The following KANK1 variants were observed in gnomAD, a reference collection of about 807,000 sequenced individuals.
KANK1 encodes KN motif and ankyrin repeat domains 1, also known as KN motif and ankyrin repeat domain-containing protein 1.
Under a neutral mutation model 106.2 loss-of-function variants are expected in KANK1, and 109 were observed. The observed-to-expected ratio is 1.03, with a 90% CI of 0.88 to 1.20. KANK1 has a LOEUF of 1.20. Ranked by LOEUF, KANK1 falls within the 50% of genes most tolerant of loss-of-function variation. The probability of loss-of-function intolerance (pLI) is 0.00; values close to 1 mark genes in which losing one functional copy is unlikely to be tolerated. For missense variants in KANK1, 2,399 were observed against 1,710.7 expected (o/e 1.40, Z -7.10); for synonymous variants, 873 against 652.2 (o/e 1.34, Z -5.16).
rs527605501 is a variant in KANK1 at position 571,292 on chromosome 9, A to G, written c.-84+66538A>G. On this transcript the variant is annotated intron_variant, in intron 1 of 11. Transcript: ENST00000382297. ...GTATAAACCAGAGGAAGCCTTTGCC[A>G]GAGAGATTGTTGACAATTGCTAGAG... Among the ~76,000 whole-genome samples the G allele has an allele frequency of 3.3e-5, 5 of 151,186 alleles. No individual in the cohort carries two copies. In the East Asian group the frequency reaches 9.6e-4, roughly 29 times the overall value.
intron 1 of KANK1, among the ~76,000 whole-genome samples, chr9:664,285 G>C (rs1233318863): frequency 3.3e-5 from 5 of 152,046 alleles, no homozygotes; most frequent in Non-Finnish European, 7.4e-5. Context: ...ATGAGATTCA[G>C]TTTTGTAGCT....
At chr9:627,140 C>T (rs559986527) in intron 1 of KANK1, among the ~76,000 whole-genome samples, 63 of 152,274 alleles carry the variant, frequency 4.1e-4, no homozygotes, top group Middle Eastern at 3.4e-3. Flanking sequence ...AATCTAGAAT[C>T]ATGAAATGTA....
At chr9:692,564 C>A (rs1820236720) in intron 2 of KANK1, among the ~76,000 whole-genome samples, 1 of 150,106 alleles carries the variant, frequency 6.7e-6, no homozygotes, top group Non-Finnish European at 1.5e-5. Context: ...ATAGAATTCA[C>A]CCATTTTAAG....
chr9:642,153 A>G (rs760266369), intron 1 of KANK1, among the ~76,000 whole-genome samples: 2 of 152,166 alleles, frequency 1.3e-5, no homozygotes, highest in African/African-American at 4.8e-5. Context: ...AAACCAGCTT[A>G]CTTCTGACAC....
chr9:654,810 TGTGTGAGAGAGAGAGAGA>T lies in KANK1; in HGVS notation c.-83-22078_-83-22061del, dbSNP rs796893214. On this transcript the variant is annotated intron_variant, in intron 1 of 11. Coordinates refer to ENST00000382297, the MANE Select transcript of KANK1 (RefSeq NM_015158.5). The stretch of plus-strand genomic sequence containing the variant: ...GTCACAATATGCATTTGTGTGTGTG[TGTGTGAGAGAGAGAGAGA>T]GAGAGAGAGAGAGAGAGAGATAAAG... Among the ~76,000 whole-genome samples the T allele has an allele frequency of 8.4e-4, 77 of 91,810 alleles. 1 individual carries two copies. Among genetic ancestry groups the T allele is most frequent in the African/African-American group, 3.6e-3 (76 of 20,880 alleles). 60.2% of individuals were successfully genotyped at this position (91,810 alleles called of 152,430 possible). A position where few individuals can be genotyped will look rare whatever the true frequency, so the allele number is the denominator to read the frequency against.
intron 2 of KANK1, among the ~76,000 whole-genome samples, chr9:703,991 G>C (rs573688195): frequency 2.8e-4 from 42 of 152,340 alleles, no homozygotes; most frequent in African/African-American, 9.4e-4. Flanking sequence ...TGGGATTACA[G>C]GCGTGAGCCA....
chr9:732,621 T>TG lies in KANK1; in HGVS notation c.3245+6dup. On this transcript the variant is annotated splice_donor_region_variant and intron_variant, in intron 6 of 11. Coordinates refer to ENST00000382297, the MANE Select transcript of KANK1 (RefSeq NM_015158.5). ...AGAAGGTGGAAATCAGAGAGAGGTG[T>TG]GGTACATTCCCCTTCCCTCCCTTGC... 6.2e-7 allele frequency: 1 copy of TG among 1,612,950 alleles called. No homozygotes were observed. The highest frequency in any genetic ancestry group is 2.2e-5 in the East Asian group (1 of 44,868).
intron 1 of KANK1, among the ~76,000 whole-genome samples, chr9:563,609 A>G (rs946623865): frequency 6.6e-6 from 1 of 152,200 alleles, no homozygotes; most frequent in African/African-American, 2.4e-5. Flanking sequence ...TATATTTTCA[A>G]ATAGGCAGTA....
intron 1 of KANK1, among the ~76,000 whole-genome samples, chr9:609,928 A>G (rs1428743459): frequency 1.3e-5 from 2 of 152,110 alleles, no homozygotes; most frequent in East Asian, 1.9e-4. Context: ...TTTCTTATAC[A>G]TATATTTATG....
At chr9:655,055 A>G (rs1841817463) in intron 1 of KANK1, among the ~76,000 whole-genome samples, 1 of 152,092 alleles carries the variant, frequency 6.6e-6, no homozygotes, top group African/African-American at 2.4e-5. Flanking sequence ...TTGGTCTTTG[A>G]TGAGACCTAG....
At chr9:560,761 A>C (rs1441700814) in intron 1 of KANK1, among the ~76,000 whole-genome samples, 1 of 146,936 alleles carries the variant, frequency 6.8e-6, no homozygotes, top group Admixed American at 7.0e-5. Flanking sequence ...AACCAACTGG[A>C]TGTCAGACAT....
At chr9:732,223 C>T (rs1832497355) in intron 5 of KANK1, 155 bp from the exon 6 acceptor site, 1 of 796,584 alleles carries the variant, frequency 1.3e-6, no homozygotes, top group Non-Finnish European at 2.0e-6. Flanking sequence ...AACCACCAGG[C>T]ATTTAAATAG....
At chr9:555,328 C>T (rs1432644022) in intron 1 of KANK1, among the ~76,000 whole-genome samples, 1 of 152,124 alleles carries the variant, frequency 6.6e-6, no homozygotes, top group African/African-American at 2.4e-5. Flanking sequence ...CACCTGCCTC[C>T]CCTACCTTCC....
Position 734,764 on chromosome 9 carries a change from A to G in KANK1, c.3262A>G (p.Lys1088Glu), listed in dbSNP as rs753231094. 1.2e-6 allele frequency: 2 copies of G among 1,611,442 alleles called. No homozygotes were observed. The highest frequency in any genetic ancestry group is 2.2e-5 in the East Asian group (1 of 44,882). Residue 1088 changes from lysine (K) to glutamate (E), a missense_variant, in exon 7 of 12, where the codon AAG becomes GAG. Transcript: ENST00000382297. ...EIRERYELSE[K>E]MLSACNLLKN... Reference sequence around the variant, plus strand: ...TCCTTTCAGGTATGAATTAAGTGAAAAGATGTTGTCTGCATGCAACTTACT... The same window carrying G: ...TCCTTTCAGGTATGAATTAAGTGAAGAGATGTTGTCTGCATGCAACTTACT...
chr9:638,594 A>T (rs1216094022), intron 1 of KANK1, among the ~76,000 whole-genome samples: 1 of 152,202 alleles, frequency 6.6e-6, no homozygotes, highest in East Asian at 1.9e-4. Context: ...AACCAAAGGC[A>T]AAATATTTGG....
rs762226513 is a variant in KANK1 at position 738,269 on chromosome 9, C to T, written c.3334-16C>T. 3 of 1,603,462 alleles carry T rather than the reference C, an allele frequency of 1.9e-6. No homozygotes were observed. The highest frequency in any genetic ancestry group is 2.6e-6 in the Non-Finnish European group (3 of 1,173,744). On this transcript the variant is annotated splice_polypyrimidine_tract_variant and intron_variant, in intron 7 of 11. Coordinates refer to ENST00000382297, the MANE Select transcript of KANK1 (RefSeq NM_015158.5). ...CTATAAATAGAAGAACTAACGACCA[C>T]TTGGTGTTTTGGCAGAGGTTCTGTC...
intron 1 of KANK1, among the ~76,000 whole-genome samples, chr9:552,616 C>G (rs1363150809): frequency 6.6e-6 from 1 of 152,226 alleles, no homozygotes; most frequent in Non-Finnish European, 1.5e-5. Flanking sequence ...TGCCTGCCTT[C>G]TGCTTCAGCC....
intron 3 of KANK1, among the ~76,000 whole-genome samples, chr9:477,206 T>C (rs7026786): frequency 0.08 from 12,214 of 152,154 alleles, 1,706 homozygotes; most frequent in African/African-American, 0.28. Context: ...GATGTATTTT[T>C]CTCTTTTATA....
At position 723,576 on chromosome 9, in the gene KANK1, G is replaced by T. The variant is rs149900399; in HGVS notation, c.2699-6475G>T. Among the ~76,000 whole-genome samples the T allele has an allele frequency of 3.8e-4, 58 of 152,080 alleles. 1 individual carries two copies. The highest frequency in any genetic ancestry group is 1.4e-3 in the African/African-American group (56 of 41,478). ...GGAGTTCAAGGCTACAGTTAGCTAT[G>T]ATCACATTCCATTGCACTCTAGCCT... On this transcript the variant is annotated intron_variant, in intron 3 of 11. Transcript: ENST00000382297.
Sources: gnomAD v4.1 joint callset for allele counts (sites outside exome capture counted in the v4.1 genomes callset) on GRCh38, gnomAD v4.1.1 for gene constraint, MANE v1.5 for transcripts, NCBI Gene and HGNC (gene_info 2026-07-23, HGNC 2026-07-21) for gene names.